CSMD1: variants seen among roughly 807,000 people sequenced by gnomAD.
CSMD1 encodes CUB and sushi domain-containing protein 1.
A neutral mutation model predicts 417.5 loss-of-function variants in CSMD1; 213 were observed. The observed-to-expected ratio is 0.51, with a 90% CI of 0.46 to 0.57. The LOEUF (loss-of-function observed/expected upper bound fraction) is 0.57, where lower values mean the gene tolerates loss of function less well. Among genes scored for constraint, CSMD1 ranks in the 20% least tolerant of loss-of-function variants. The probability of loss-of-function intolerance (pLI) is 0.00; values close to 1 mark genes in which losing one functional copy is unlikely to be tolerated. For synonymous variants in CSMD1, 2,862 were observed against 1,736.8 expected (o/e 1.65, Z -16.11); for missense variants, 6,923 against 4,529.7 (o/e 1.53, Z -15.17).
chr8:4,258,445 T>C (rs953311096), intron 3 of CSMD1, among the ~76,000 whole-genome samples: 1 of 38 alleles, frequency 0.026, no homozygotes, highest in Non-Finnish European at 0.042. Flanking sequence ...GAGGGGAGGA[T>C]GGAAGGAGGG....
intron 5 of CSMD1, among the ~76,000 whole-genome samples, chr8:3,819,778 G>A (rs1462747876): frequency 6.6e-6 from 1 of 152,120 alleles, no homozygotes; most frequent in Admixed American, 6.5e-5. Context: ...ATATAGAGAT[G>A]TAAGCAATCC....
chr8:3,465,914 G>C lies in CSMD1; in HGVS notation c.1561+2798C>G, dbSNP rs28619328. Among the ~76,000 whole-genome samples, 676 of 152,218 alleles carry C rather than the reference G, an allele frequency of 4.4e-3. 4 individuals carry two copies. The highest frequency in any genetic ancestry group is 6.8e-3 in the Non-Finnish European group (461 of 68,006). ...TCTGGGGAAACTATGAGAAAATGTC[G>C]AGAGCTGTTGCCTCAGAGGAAGTTA... On this transcript the variant is annotated intron_variant, in intron 12 of 69. Transcript: ENST00000635120.
At chr8:4,835,043 T>A (rs1473173387) in intron 1 of CSMD1, among the ~76,000 whole-genome samples, 1 of 134,662 alleles carries the variant, frequency 7.4e-6, no homozygotes, top group African/African-American at 2.7e-5. Context: ...GAACAAATGA[T>A]GACATTTCTC....
At chr8:4,210,553 C>G (rs1800244066) in intron 3 of CSMD1, among the ~76,000 whole-genome samples, 1 of 151,736 alleles carries the variant, frequency 6.6e-6, no homozygotes. Flanking sequence ...TAAGAAAGCA[C>G]AAATAGGAAA....
chr8:3,631,213 A>G (rs1322965164), intron 7 of CSMD1, among the ~76,000 whole-genome samples: 1 of 152,124 alleles, frequency 6.6e-6, no homozygotes. Context: ...TTATGTTGCT[A>G]TGTGGACAGC....
At chr8:4,397,643 G>T (rs1239663593) in intron 3 of CSMD1, among the ~76,000 whole-genome samples, 1 of 137,624 alleles carries the variant, frequency 7.3e-6, no homozygotes, top group Non-Finnish European at 1.5e-5. Context: ...TGCATCACTT[G>T]TTCTAAGATT....
intron 5 of CSMD1, among the ~76,000 whole-genome samples, chr8:3,969,476 A>G (rs559594915): frequency 4.6e-5 from 7 of 152,256 alleles, no homozygotes; most frequent in East Asian, 3.9e-4. Flanking sequence ...CTGGTCTATA[A>G]GTTTGTGTTT....
chr8:3,188,038 G>A (rs534274085), intron 35 of CSMD1, 73 bp from the exon 36 acceptor site: 1 of 1,085,686 alleles, frequency 9.2e-7, no homozygotes, highest in Non-Finnish European at 1.3e-6. Context: ...TGGGGTTTTG[G>A]GGTTTTTCAT....
intron 10 of CSMD1, among the ~76,000 whole-genome samples, chr8:3,500,587 G>T (rs536543654): frequency 6.6e-6 from 1 of 152,152 alleles, no homozygotes; most frequent in East Asian, 1.9e-4. Flanking sequence ...AAAGAAAAAA[G>T]AATCTGTGGT....
intron 5 of CSMD1, among the ~76,000 whole-genome samples, chr8:3,879,886 G>A (rs537875211): frequency 6.6e-6 from 1 of 152,042 alleles, no homozygotes; most frequent in South Asian, 2.1e-4. Flanking sequence ...TGTGGATGTT[G>A]TATTCACGTT....
intron 25 of CSMD1, among the ~76,000 whole-genome samples, chr8:3,287,580 C>A (rs1350365064): frequency 6.6e-6 from 1 of 152,108 alleles, no homozygotes; most frequent in Non-Finnish European, 1.5e-5. Context: ...AATGGGAGTT[C>A]ACTCATGATT....
intron 5 of CSMD1, among the ~76,000 whole-genome samples, chr8:3,972,680 A>G (rs1813168484): frequency 6.6e-6 from 1 of 152,258 alleles, no homozygotes; most frequent in South Asian, 2.1e-4. Flanking sequence ...GACCAGTGTT[A>G]GCATGGATAT....
At chr8:3,769,332 T>C (rs1027715959) in intron 5 of CSMD1, among the ~76,000 whole-genome samples, 1 of 151,952 alleles carries the variant, frequency 6.6e-6, no homozygotes, top group African/African-American at 2.4e-5. Flanking sequence ...ATTGCAAATA[T>C]GTTAAAAGAA....
At chr8:4,147,749 C>T (rs541202756) in intron 3 of CSMD1, among the ~76,000 whole-genome samples, 23 of 152,078 alleles carry the variant, frequency 1.5e-4, no homozygotes, top group South Asian at 2.1e-4. Flanking sequence ...TAACAACCCC[C>T]GGCAAGCCAT....
At chr8:3,429,966 CTGTA>C (rs534036626) in intron 12 of CSMD1, among the ~76,000 whole-genome samples, 20 of 152,066 alleles carry the variant, frequency 1.3e-4, no homozygotes, top group Non-Finnish European at 7.4e-5. Context: ...TAATCGATAT[CTGTA>C]TGTATGTATG....
At chr8:4,891,468 T>G (rs1447940638) in intron 1 of CSMD1, among the ~76,000 whole-genome samples, 1 of 152,194 alleles carries the variant, frequency 6.6e-6, no homozygotes, top group African/African-American at 2.4e-5. Flanking sequence ...TACAATGTTT[T>G]TCTTAATTTG....
At chr8:4,760,574 T>C (rs1173709703) in intron 1 of CSMD1, among the ~76,000 whole-genome samples, 1 of 152,172 alleles carries the variant, frequency 6.6e-6, no homozygotes, top group African/African-American at 2.4e-5. Flanking sequence ...ATATTTTTAT[T>C]TCTAGAATAA....
At chr8:3,576,406 C>A (rs1395819863) in intron 9 of CSMD1, among the ~76,000 whole-genome samples, 1 of 152,100 alleles carries the variant, frequency 6.6e-6, no homozygotes, top group Non-Finnish European at 1.5e-5. Context: ...ACCTTAGGAA[C>A]TGTCCTCTTT....
intron 5 of CSMD1, among the ~76,000 whole-genome samples, chr8:3,873,750 C>G (rs574271837): frequency 1.2e-4 from 19 of 152,164 alleles, no homozygotes; most frequent in African/African-American, 4.6e-4. Context: ...ATTAAGGATA[C>G]AGAGAAAAAT....
Sources: gnomAD v4.1 joint callset for allele counts (sites outside exome capture counted in the v4.1 genomes callset) on GRCh38, gnomAD v4.1.1 for gene constraint, MANE v1.5 for transcripts, NCBI Gene and HGNC (gene_info 2026-07-23, HGNC 2026-07-21) for gene names.